Variants in SLC35F4 observed in about 807,000 individuals in gnomAD.
SLC35F4 encodes solute carrier family 35 member F4.
A neutral mutation model predicts 44.2 loss-of-function variants in SLC35F4; 24 were observed. The observed-to-expected ratio is 0.54, with a 90% CI of 0.39 to 0.76. The LOEUF is 0.76. Among genes scored for constraint, SLC35F4 ranks in the 30% least tolerant of loss-of-function variants. SLC35F4 has a pLI of 0.00. For missense variants in SLC35F4, 562 were observed against 586.1 expected, an observed-to-expected ratio of 0.96 and a Z score of 0.42; for synonymous variants, 238 against 223.6, an observed-to-expected ratio of 1.06 and a Z score of -0.57.
chr14:57,573,603 A>G (rs73303810), intron 4 of SLC35F4, among the ~76,000 whole-genome samples: 8,853 of 152,200 alleles, frequency 0.058, 262 homozygotes, highest in Middle Eastern at 0.068. Context: ...AGACTCATCA[A>G]TACACACAGT....
intron 1 of SLC35F4, among the ~76,000 whole-genome samples, chr14:57,970,856 T>C (rs1881034016): frequency 6.6e-6 from 1 of 152,140 alleles, no homozygotes; most frequent in Non-Finnish European, 1.5e-5. Context: ...CTCTGAGAAT[T>C]CTCCTTTTCC....
In SLC35F4 at chr14:57,750,868, T is replaced by G. The variant is rs201237959; in HGVS notation, c.103+114855A>C. On this transcript the variant is annotated intron_variant, in intron 1 of 7. Coordinates refer to ENST00000556826, the MANE Select transcript of SLC35F4 (RefSeq NM_001306087.2). ...TTGTAGGCAGTTTCACTTGTGGTGG[T>G]TAACTTATAGGCAGTCACTTTTGTT... Among the ~76,000 whole-genome samples, 5 of 152,286 alleles carry G rather than the reference T, an allele frequency of 3.3e-5. No homozygotes were observed. In the East Asian group the frequency reaches 7.7e-4, roughly 24 times the overall value.
chr14:57,761,190 G>T (rs562318943), intron 1 of SLC35F4, among the ~76,000 whole-genome samples: 2 of 152,072 alleles, frequency 1.3e-5, no homozygotes. Context: ...TGAAAACAGC[G>T]GTTGCATATA....
intron 1 of SLC35F4, among the ~76,000 whole-genome samples, chr14:57,706,567 T>A (rs1358844504): frequency 6.6e-6 from 1 of 152,116 alleles, no homozygotes; most frequent in African/African-American, 2.4e-5. Context: ...CAGATGCTAT[T>A]TGAGCATATA....
At chr14:57,691,893 C>T (rs1594806570) in intron 1 of SLC35F4, among the ~76,000 whole-genome samples, 1 of 152,074 alleles carries the variant, frequency 6.6e-6, no homozygotes, top group East Asian at 1.9e-4. Context: ...ATCAATCTTG[C>T]AGGATGTGAT....
chr14:57,611,595 A>AC (rs1555360605), intron 1 of SLC35F4, among the ~76,000 whole-genome samples: 1 of 151,862 alleles, frequency 6.6e-6, no homozygotes, highest in African/African-American at 2.4e-5. Context: ...TAAAAAAAAA[A>AC]AAACAAAAAA....
At chr14:57,789,503 A>G (rs951626183) in intron 1 of SLC35F4, among the ~76,000 whole-genome samples, 3 of 152,180 alleles carry the variant, frequency 2.0e-5, no homozygotes, top group Non-Finnish European at 4.4e-5. Flanking sequence ...GGCAGTAATT[A>G]ATAGCCTACC....
chr14:57,624,116 A>T (rs2072344801), intron 1 of SLC35F4, among the ~76,000 whole-genome samples: 1 of 152,196 alleles, frequency 6.6e-6, no homozygotes, highest in Non-Finnish European at 1.5e-5. Context: ...GATAAAGGGG[A>T]TATCACCACT....
chr14:57,857,806 A>G (rs1190306616), intron 1 of SLC35F4, among the ~76,000 whole-genome samples: 2 of 152,058 alleles, frequency 1.3e-5, no homozygotes, highest in Non-Finnish European at 1.5e-5. Context: ...CTGCACTTCT[A>G]AAGATAAATA....
chr14:57,930,304 C>T (rs1278976992), intron 1 of SLC35F4, among the ~76,000 whole-genome samples: 1 of 152,174 alleles, frequency 6.6e-6, no homozygotes, highest in Non-Finnish European at 1.5e-5. Context: ...AATTGTGAGG[C>T]AGAATTTATT....
At chr14:57,588,045 G>A (rs562476288) in intron 3 of SLC35F4, among the ~76,000 whole-genome samples, 1 of 132,822 alleles carries the variant, frequency 7.5e-6, no homozygotes, top group Non-Finnish European at 1.7e-5. Flanking sequence ...ACTTAGCCAG[G>A]CATGGTGGCG....
chr14:57,787,607 A>C (rs2077799536), intron 1 of SLC35F4, among the ~76,000 whole-genome samples: 1 of 152,194 alleles, frequency 6.6e-6, no homozygotes, highest in Admixed American at 6.5e-5. Flanking sequence ...CCTATCTTCA[A>C]TCTCCTCAAA....
At chr14:57,844,787 C>T (rs775651233) in intron 1 of SLC35F4, among the ~76,000 whole-genome samples, 1 of 152,100 alleles carries the variant, frequency 6.6e-6, no homozygotes, top group Non-Finnish European at 1.5e-5. Context: ...GGATCAGGAG[C>T]GGGCATCCCC....
intron 1 of SLC35F4, among the ~76,000 whole-genome samples, chr14:57,842,182 TA>T (rs1389828990): frequency 2.6e-5 from 4 of 152,218 alleles, no homozygotes; most frequent in Non-Finnish European, 5.9e-5. Flanking sequence ...TCATCTAGGC[TA>T]TTAGAAAAAA....
intron 1 of SLC35F4, among the ~76,000 whole-genome samples, chr14:57,914,348 G>T (rs1889275350): frequency 6.6e-6 from 1 of 152,154 alleles, no homozygotes; most frequent in South Asian, 2.1e-4. Flanking sequence ...CAGATCACAA[G>T]GTCAGGAGAT....
intron 1 of SLC35F4, among the ~76,000 whole-genome samples, chr14:57,650,269 A>G (rs1004612193): frequency 6.6e-6 from 1 of 152,060 alleles, no homozygotes; most frequent in African/African-American, 2.4e-5. Context: ...AAAATATCTC[A>G]CATCCAGCTT....
At chr14:57,645,573 G>A (rs1393437682) in intron 1 of SLC35F4, among the ~76,000 whole-genome samples, 7 of 151,670 alleles carry the variant, frequency 4.6e-5, no homozygotes, top group African/African-American at 9.7e-5. Context: ...TGCAAACAGG[G>A]ACAATTTGAC....
intron 1 of SLC35F4, among the ~76,000 whole-genome samples, chr14:57,698,251 T>A (rs935204715): frequency 6.6e-6 from 1 of 152,298 alleles, no homozygotes; most frequent in South Asian, 2.1e-4. Flanking sequence ...AATGAGCATT[T>A]AGATTACTTT....
intron 1 of SLC35F4, among the ~76,000 whole-genome samples, chr14:57,671,249 G>A (rs528057279): frequency 2.0e-5 from 3 of 152,164 alleles, no homozygotes; most frequent in East Asian, 1.9e-4. Flanking sequence ...AATGAGAAGC[G>A]GTGGGGAGCT....
Sources: gnomAD v4.1 joint callset for allele counts (sites outside exome capture counted in the v4.1 genomes callset) on GRCh38, gnomAD v4.1.1 for gene constraint, MANE v1.5 for transcripts, NCBI Gene and HGNC (gene_info 2026-07-23, HGNC 2026-07-21) for gene names.